Variants in ELOVL7 observed in about 807,000 individuals in gnomAD.
The protein encoded by ELOVL7 is ELOVL fatty acid elongase 7, also known as very long chain fatty acid elongase 7.
A neutral mutation model predicts 35.7 loss-of-function variants in ELOVL7; 27 were observed. The observed-to-expected ratio is 0.76, with a 90% CI of 0.56 to 1.04. The LOEUF (loss-of-function observed/expected upper bound fraction) is 1.04, where lower values mean the gene tolerates loss of function less well. ELOVL7 is among the 50% of genes least tolerant of loss of function. The pLI, the probability that ELOVL7 is intolerant of heterozygous loss-of-function variation, is 0.00. For missense variants in ELOVL7, 327 were observed against 340.8 expected, an observed-to-expected ratio of 0.96 and a Z score of 0.32; for synonymous variants, 113 against 114.6, an observed-to-expected ratio of 0.99 and a Z score of 0.09.
intron 5 of ELOVL7, among the ~76,000 whole-genome samples, chr5:60,767,382 C>A (rs1648394873): frequency 6.6e-6 from 1 of 152,220 alleles, no homozygotes; most frequent in African/African-American, 2.4e-5. Context: ...GCGTAAGCCA[C>A]TGCACCTGGC....
At chr5:60,786,004 C>A (rs546370855) in intron 3 of ELOVL7, 1 of 152,152 alleles carries the variant, frequency 6.6e-6, no homozygotes, top group Non-Finnish European at 1.5e-5. Flanking sequence ...GCATTTCCTT[C>A]CTGAATTTGG....
At chr5:60,820,081 T>A (rs774522046) in intron 1 of ELOVL7, among the ~76,000 whole-genome samples, 4 of 152,216 alleles carry the variant, frequency 2.6e-5, no homozygotes, top group South Asian at 2.1e-4. Context: ...TGGGATGGAC[T>A]GGCCCACATT....
intron 1 of ELOVL7, among the ~76,000 whole-genome samples, chr5:60,812,835 T>C (rs1745310196): frequency 6.6e-6 from 1 of 152,210 alleles, no homozygotes. Flanking sequence ...TTCATCTCAC[T>C]GGCCTCAAGC....
At chr5:60,832,629 G>A (rs1021136841) in intron 1 of ELOVL7, among the ~76,000 whole-genome samples, 5 of 152,280 alleles carry the variant, frequency 3.3e-5, no homozygotes, top group Admixed American at 3.3e-4. Flanking sequence ...CTCCCAAAGT[G>A]CTGGGATTAC....
At chr5:60,839,999 C>CG (rs1207669124) in intron 1 of ELOVL7, among the ~76,000 whole-genome samples, 1 of 151,778 alleles carries the variant, frequency 6.6e-6, no homozygotes, top group Non-Finnish European at 1.5e-5. Context: ...GACCCTGTCT[C>CG]GGGGGGAGAA....
At chr5:60,770,205 C>T (rs1742497365) in intron 4 of ELOVL7, among the ~76,000 whole-genome samples, 1 of 152,130 alleles carries the variant, frequency 6.6e-6, no homozygotes, top group Non-Finnish European at 1.5e-5. Context: ...TCTTCTTTTA[C>T]ATTGTAATTG....
At chr5:60,807,015 G>A (rs944615263) in intron 1 of ELOVL7, among the ~76,000 whole-genome samples, 31 of 152,286 alleles carry the variant, frequency 2.0e-4, no homozygotes, top group Non-Finnish European at 3.1e-4. Flanking sequence ...GGAAAGGGTC[G>A]GGAGCAGAGT....
At chr5:60,838,074 A>C (rs1263931568) in intron 1 of ELOVL7, among the ~76,000 whole-genome samples, 1 of 152,208 alleles carries the variant, frequency 6.6e-6, no homozygotes, top group Non-Finnish European at 1.5e-5. Context: ...TTCAAATCTT[A>C]ACACATCCTT....
At chr5:60,824,264 C>T (rs1268093507) in intron 1 of ELOVL7, among the ~76,000 whole-genome samples, 1 of 152,134 alleles carries the variant, frequency 6.6e-6, no homozygotes, top group South Asian at 2.1e-4. Flanking sequence ...GAGACCTTTA[C>T]AGTGCTGTAA....
chr5:60,762,299 C>CAAAAAAAAAAAAAAAAAAAAAAAAAAA (rs3030130), intron 7 of ELOVL7, among the ~76,000 whole-genome samples: 1 of 79,528 alleles, frequency 1.3e-5, no homozygotes, highest in Non-Finnish European at 2.7e-5. Context: ...AACTCTGCCT[C>CAAAAAAAAAAAAAAAAAAAAAAAAAAA]AAAAAAAAAA....
At chr5:60,803,962 T>C (rs781755090) in intron 1 of ELOVL7, among the ~76,000 whole-genome samples, 1 of 152,216 alleles carries the variant, frequency 6.6e-6, no homozygotes, top group Non-Finnish European at 1.5e-5. Flanking sequence ...TAAATGCCTC[T>C]AGAAAAGATA....
intron 3 of ELOVL7, among the ~76,000 whole-genome samples, chr5:60,775,661 C>A (rs1055064026): frequency 6.6e-6 from 1 of 152,004 alleles, no homozygotes; most frequent in African/African-American, 2.4e-5. Flanking sequence ...ACAGAAAACC[C>A]AGAAATAAAG....
intron 2 of ELOVL7, among the ~76,000 whole-genome samples, chr5:60,792,815 T>G (rs1440798868): frequency 6.6e-6 from 1 of 152,216 alleles, no homozygotes; most frequent in Non-Finnish European, 1.5e-5. Context: ...AGTTCAGACC[T>G]GGTGATGGCT....
intron 1 of ELOVL7, among the ~76,000 whole-genome samples, chr5:60,811,146 G>A (rs1745216501): frequency 6.6e-6 from 1 of 151,936 alleles, no homozygotes; most frequent in South Asian, 2.1e-4. Flanking sequence ...TGAGGAATGT[G>A]TTTTCATTAA....
At chr5:60,819,021 G>T (rs1226814375) in intron 1 of ELOVL7, among the ~76,000 whole-genome samples, 1 of 38 alleles carries the variant, frequency 0.026, no homozygotes, top group Non-Finnish European at 0.045. Context: ...GAGAAGAGGA[G>T]AGGGGAGGGG....
chr5:60,813,432 C>T (rs1023796423), intron 1 of ELOVL7, among the ~76,000 whole-genome samples: 1 of 151,978 alleles, frequency 6.6e-6, no homozygotes, highest in Non-Finnish European at 1.5e-5. Flanking sequence ...CCTAAAATAC[C>T]ACTTTCATCA....
At chr5:60,757,159 C>T (rs1741586478) in intron 8 of ELOVL7, among the ~76,000 whole-genome samples, 1 of 152,064 alleles carries the variant, frequency 6.6e-6, no homozygotes, top group Non-Finnish European at 1.5e-5. Flanking sequence ...AAGTTGCATT[C>T]CCTCAAGGTC....
In ELOVL7 at chr5:60,754,572, G is replaced by C. The variant is rs1002171750; in HGVS notation, c.*52C>G. 10 of 1,492,670 alleles carry C rather than the reference G, an allele frequency of 6.7e-6. No individual in the cohort carries two copies. The African/African-American group carries it at 1.4e-4, about 21-fold the overall frequency. The allele number at this position is 1,492,670 out of a possible 1,614,324, so 92.5% of individuals were successfully genotyped here. ...TGCACTGCATAGGTAAATATCTCTT[G>C]ATTGTCAAGGAAGACAATGTATCAG... On this transcript the variant is annotated 3_prime_UTR_variant, in exon 9 of 9. Transcript: ENST00000508821.
intron 1 of ELOVL7, among the ~76,000 whole-genome samples, chr5:60,810,260 C>T (rs1278000873): frequency 2.0e-5 from 3 of 152,176 alleles, no homozygotes; most frequent in Admixed American, 6.5e-5. Context: ...AGGCAGTACC[C>T]CTAGGATCCT....
Sources: gnomAD v4.1 joint callset for allele counts (sites outside exome capture counted in the v4.1 genomes callset) on GRCh38, gnomAD v4.1.1 for gene constraint, MANE v1.5 for transcripts, NCBI Gene and HGNC (gene_info 2026-07-23, HGNC 2026-07-21) for gene names.